POLQ: variants seen among roughly 807,000 people sequenced by gnomAD.
POLQ encodes DNA polymerase theta, also known as epididymis secretory sperm binding protein.
POLQ carries 233 observed loss-of-function variants against 259.2 expected under a neutral mutation model. The ratio of observed to expected loss-of-function variants is 0.90; its 90% confidence interval spans 0.81 to 1.00. The LOEUF is 1.00. POLQ is among the 50% of genes least tolerant of loss of function. The pLI is 0.00. For synonymous variants in POLQ, 1,025 were observed against 1,048.8 expected (o/e 0.98, Z 0.44); for missense variants, 2,871 against 3,051.6 (o/e 0.94, Z 1.39).
chr3:121,433,029 C>A lies in POLQ; in HGVS notation c.7548G>T (p.Leu2516Phe), dbSNP rs972850625. 1.3e-6 allele frequency: 2 copies of A among 1,587,780 alleles called. No individual in the cohort carries two copies. Among genetic ancestry groups the A allele is most frequent in the Admixed American group, 1.7e-5 (1 of 59,920 alleles). The change falls in exon 29 of 30, where the codon TTG becomes TTT. Residue 2516 changes from leucine (L) to phenylalanine (F), a missense_variant. Transcript: ENST00000264233. Reference protein sequence around the residue: ...EGMLQSDQTGLSRKRKLQGMF... With the variant: ...EGMLQSDQTGFSRKRKLQGMF... ...TCCCTTGCAGTTTTCTCTTTCGTGACAATCCTACTTCATGAAAAAGGAGCA... is the reference window on the plus strand; with the variant it reads ...TCCCTTGCAGTTTTCTCTTTCGTGAAAATCCTACTTCATGAAAAAGGAGCA...
Position 121,489,526 on chromosome 3 carries a change from C to T in POLQ, c.3405G>A (p.Glu1135=), listed in dbSNP as rs943782840. 9 of 1,613,492 alleles carry T rather than the reference C, an allele frequency of 5.6e-6. No homozygotes were observed. In the African/African-American group the frequency reaches 1.1e-4, roughly 19 times the overall value. ...NITLTNDNFV[E]HIVTGSQSKN... is the part of the protein sequence containing the mutation. ...TACTCTGAGATCCTGTGACAATATG[C>T]TCCACAAAATTATCATTAGTTAGTG... The change falls in exon 16 of 30, where the codon GAG becomes GAA. Residue 1135 remains glutamate, a synonymous_variant. Coordinates refer to ENST00000264233, the MANE Select transcript of POLQ (RefSeq NM_199420.4).
chr3:121,496,917 A>G lies in POLQ; in HGVS notation c.2169T>C (p.Leu723=), dbSNP rs896301705. The change falls in exon 14 of 30, where the codon CTT becomes CTC. Residue 723 remains leucine (L), a synonymous_variant. Transcript: ENST00000264233. ...CTTCACTGATTAAATCTAATAGCAC[A>G]AGACTGGTGAAAAACCTGGGAATAA... is the stretch of plus-strand genomic sequence containing the variant. ...MAIHKRFFTS[L]VLLDLISEVP... The G allele has an allele frequency of 3.1e-6, 5 of 1,612,190 alleles. No individual in the cohort carries two copies. The African/African-American group carries it at 5.3e-5, about 17-fold the overall frequency.
Position 121,510,150 on chromosome 3 carries a change from C to T in POLQ, c.1705G>A (p.Gly569Arg). 6.2e-7 allele frequency: 1 copy of T among 1,614,000 alleles called. No homozygotes were observed. The highest frequency in any genetic ancestry group is 8.5e-7 in the Non-Finnish European group (1 of 1,179,840). The change falls in exon 11 of 30, where the codon GGA becomes AGA. Residue 569 changes from glycine (G) to arginine (R), a missense_variant. Gly to Arg is a moderately radical substitution (Grantham distance 125). Transcript: ENST00000264233. Reference protein sequence around the residue: ...LAASMKEGKQGIQRNQESVQL... With the variant: ...LAASMKEGKQRIQRNQESVQL... ...ACAGACTCTTGATTTCTCTGAATTCCTTGCTTCCCTTCTTTCATACTTGCA... is the reference window on the plus strand; with the variant it reads ...ACAGACTCTTGATTTCTCTGAATTCTTTGCTTCCCTTCTTTCATACTTGCA...
At chr3:121,481,099 T>C (rs542669087) in intron 19 of POLQ, among the ~76,000 whole-genome samples, 10 of 152,312 alleles carry the variant, frequency 6.6e-5, no homozygotes, top group African/African-American at 2.4e-4. Flanking sequence ...TGAAAAAACA[T>C]CTGTTTGTTA....
intron 7 of POLQ, among the ~76,000 whole-genome samples, chr3:121,524,569 C>G (rs2048359364): frequency 6.6e-6 from 1 of 151,724 alleles, no homozygotes; most frequent in African/African-American, 2.4e-5. Context: ...AAATTAACAA[C>G]CTGGGTGAAC....
In POLQ at chr3:121,509,918, T is replaced by G. The variant is rs2048239792; in HGVS notation, c.1816+121A>C. ...ATTTACTAAAAATGAGTTGATACACTGCTCAAAAAATCAAATTCCTTTTAT... is the reference window on the plus strand; with the variant it reads ...ATTTACTAAAAATGAGTTGATACACGGCTCAAAAAATCAAATTCCTTTTAT... On this transcript the variant is annotated intron_variant, in intron 11 of 29. Transcript: ENST00000264233. 3.3e-6 allele frequency: 3 copies of G among 919,770 alleles called. No homozygotes were observed. The African/African-American group carries it at 5.0e-5, about 15-fold the overall frequency. The allele number at this position is 919,770 out of a possible 1,614,324, so 57.0% of individuals were successfully genotyped here.
Position 121,490,180 on chromosome 3 carries a change from T to A in POLQ, c.2751A>T (p.Glu917Asp). Reference protein sequence around the residue: ...STCSLTHSESEVKEHTFISQT... With the variant: ...STCSLTHSESDVKEHTFISQT... ...GGGATATAAATGTGTGTTCCTTTAC[T>A]TCGGACTCACTATGAGTCAATGAGC... The change falls in exon 16 of 30, where the codon GAA (glutamate) becomes GAT (aspartate). Residue 917 changes from glutamate (E) to aspartate (D), a missense_variant. Glu to Asp is a conservative substitution (Grantham distance 45, BLOSUM62 2). This residue lies in a region of POLQ where 2,080 missense variants were observed against 2,126.0 expected (regional missense o/e 0.98). Transcript: ENST00000264233. The A allele has an allele frequency of 6.2e-7, 1 of 1,612,338 alleles. No homozygotes were observed. The highest frequency in any genetic ancestry group is 1.3e-5 in the African/African-American group (1 of 75,030).
chr3:121,468,180 G>A, intron 23 of POLQ, 125 bp downstream of exon 23: 1 of 740,404 alleles, frequency 1.4e-6, no homozygotes, highest in Non-Finnish European at 2.1e-6. Context: ...AAACGGTCTA[G>A]GACAGAAATG....
At chr3:121,500,913 C>T (rs2048162021) in intron 12 of POLQ, among the ~76,000 whole-genome samples, 1 of 152,148 alleles carries the variant, frequency 6.6e-6, no homozygotes, top group Non-Finnish European at 1.5e-5. Context: ...ATTCTAAATG[C>T]AGTGAGATGA....
chr3:121,528,406 T>C (rs965064616), intron 7 of POLQ, among the ~76,000 whole-genome samples: 4 of 151,492 alleles, frequency 2.6e-5, no homozygotes, highest in African/African-American at 9.7e-5. Context: ...TGCAATGGCA[T>C]GATCTCAGCT....
At chr3:121,502,572 C>T (rs574292806) in intron 12 of POLQ, among the ~76,000 whole-genome samples, 1 of 152,130 alleles carries the variant, frequency 6.6e-6, no homozygotes, top group South Asian at 2.1e-4. Context: ...CAGTATCAGC[C>T]CACAGGAGGC....
chr3:121,522,474 G>T (rs1325723481), intron 7 of POLQ, among the ~76,000 whole-genome samples: 2 of 149,898 alleles, frequency 1.3e-5, no homozygotes, highest in East Asian at 2.0e-4. Context: ...ACCGCGCCCG[G>T]CTAATTTTTT....
At chr3:121,485,803 CAAA>C (rs1265625728) in intron 16 of POLQ, among the ~76,000 whole-genome samples, 1 of 152,068 alleles carries the variant, frequency 6.6e-6, no homozygotes, top group Non-Finnish European at 1.5e-5. Context: ...TTTGTTACAT[CAAA>C]AATGGAAAGT....
intron 9 of POLQ, among the ~76,000 whole-genome samples, chr3:121,519,436 G>A (rs773940292): frequency 6.7e-5 from 10 of 148,302 alleles, no homozygotes; most frequent in Non-Finnish European, 1.5e-4. Flanking sequence ...AGCACTTTGG[G>A]AGGCCGAGGC....
At chr3:121,495,660 C>G (rs2048112935) in intron 14 of POLQ, among the ~76,000 whole-genome samples, 1 of 141,794 alleles carries the variant, frequency 7.1e-6, no homozygotes, top group Non-Finnish European at 1.5e-5. Context: ...CTGGCTAACA[C>G]AGTGGAACCC....
At position 121,450,374 on chromosome 3, in the gene POLQ, A is replaced by AT. The variant is rs200515962; in HGVS notation, c.7153-949dup. Among the ~76,000 whole-genome samples, 1,212 of 147,164 alleles carry AT rather than the reference A, an allele frequency of 8.2e-3. 11 individuals carry two copies. Among genetic ancestry groups the AT allele is most frequent in the African/African-American group, 0.031 (1,161 of 37,514 alleles). ...TTTTTCGCTTTTTTATTATTTATTT[A>AT]TTTTTTTTATTATACTTTAAGTTCT... On this transcript the variant is annotated intron_variant, in intron 25 of 29. Transcript: ENST00000264233.
At chr3:121,509,813 C>G in intron 11 of POLQ, 110 bp from the exon 12 acceptor site, 1 of 1,076,382 alleles carries the variant, frequency 9.3e-7, no homozygotes, top group Non-Finnish European at 1.4e-6. Flanking sequence ...ATAAATTTTA[C>G]AAATAGTACC....
intron 8 of POLQ, among the ~76,000 whole-genome samples, chr3:121,521,309 G>A (rs2048334829): frequency 6.6e-6 from 1 of 152,090 alleles, no homozygotes; most frequent in Non-Finnish European, 1.5e-5. Context: ...TAGAGGGTTT[G>A]GTACTATCTG....
At chr3:121,520,133 A>T in intron 8 of POLQ, 50 bp from the exon 9 acceptor site, 1 of 1,016,034 alleles carries the variant, frequency 9.8e-7, no homozygotes, top group South Asian at 1.4e-5. Context: ...CGAAAATATT[A>T]TACGTGTTCA....
Sources: allele counts gnomAD v4.1 joint callset (sites outside exome capture counted in the v4.1 genomes callset), GRCh38; gene constraint gnomAD v4.1.1; regional missense constraint gnomAD v4.1.1; transcripts MANE v1.5; gene names NCBI Gene and HGNC (gene_info 2026-07-23, HGNC 2026-07-21).